RBMS3: variants seen among roughly 807,000 people sequenced by gnomAD.
RBMS3 encodes the protein RNA binding motif single stranded interacting protein 3.
In RBMS3, 27 loss-of-function variants were observed where a neutral mutation model predicts 66.8. That is an observed-to-expected ratio of 0.40 (90% CI 0.30 to 0.56). The LOEUF (loss-of-function observed/expected upper bound fraction) is 0.56, where lower values mean the gene tolerates loss of function less well. Among genes scored for constraint, RBMS3 ranks in the 20% least tolerant of loss-of-function variants. RBMS3 has a pLI of 0.40. For missense variants in RBMS3, 513 were observed against 549.5 expected (o/e 0.93, Z 0.66); for synonymous variants, 188 against 183.0 (o/e 1.03, Z -0.22).
intron 3 of RBMS3, among the ~76,000 whole-genome samples, chr3:29,567,473 A>G (rs2046784483): frequency 1.3e-5 from 2 of 152,284 alleles, no homozygotes; most frequent in African/African-American, 2.4e-5. Flanking sequence ...GGTAAACGCT[A>G]TACAGACCCT....
chr3:29,822,492 G>A (rs2149476693), intron 6 of RBMS3, among the ~76,000 whole-genome samples: 1 of 152,248 alleles, frequency 6.6e-6, no homozygotes, highest in South Asian at 2.1e-4. Context: ...GATAGTCACA[G>A]TAATGTTTCT....
At chr3:29,519,281 A>G (rs1056325249) in intron 3 of RBMS3, among the ~76,000 whole-genome samples, 1 of 152,154 alleles carries the variant, frequency 6.6e-6, no homozygotes, top group Non-Finnish European at 1.5e-5. Context: ...TATGAGGACT[A>G]AATAAGGCGA....
chr3:29,445,749 C>G (rs1439875139), intron 2 of RBMS3, among the ~76,000 whole-genome samples: 1 of 151,970 alleles, frequency 6.6e-6, no homozygotes, highest in Non-Finnish European at 1.5e-5. Context: ...TAAAAATTAT[C>G]CTTAAAAAGA....
At chr3:29,469,492 T>G (rs2042646540) in intron 2 of RBMS3, among the ~76,000 whole-genome samples, 1 of 151,954 alleles carries the variant, frequency 6.6e-6, no homozygotes, top group African/African-American at 2.4e-5. Flanking sequence ...AAATAAGTTG[T>G]GAATTATTTG....
intron 6 of RBMS3, among the ~76,000 whole-genome samples, chr3:29,838,442 A>G (rs540047981): frequency 1.3e-5 from 2 of 152,306 alleles, no homozygotes; most frequent in African/African-American, 4.8e-5. Flanking sequence ...GTCTTAAGTG[A>G]CAATATGTTC....
chr3:29,684,364 T>A (rs2051622751), intron 4 of RBMS3, among the ~76,000 whole-genome samples: 1 of 152,170 alleles, frequency 6.6e-6, no homozygotes, highest in African/African-American at 2.4e-5. Flanking sequence ...TGTTTTAAAA[T>A]AAGTGGGATT....
intron 1 of RBMS3, among the ~76,000 whole-genome samples, chr3:29,345,560 G>A (rs973144686): frequency 4.6e-5 from 7 of 152,080 alleles, no homozygotes; most frequent in Non-Finnish European, 1.0e-4. Context: ...CTCTCTCCAT[G>A]AGAAGCCCTG....
At chr3:29,880,134 T>C (rs986258117) in intron 7 of RBMS3, among the ~76,000 whole-genome samples, 1 of 152,168 alleles carries the variant, frequency 6.6e-6, no homozygotes, top group African/African-American at 2.4e-5. Context: ...AATATTTAGC[T>C]CCTATAGTAA....
At chr3:29,741,394 C>T (rs1328913102) in intron 5 of RBMS3, among the ~76,000 whole-genome samples, 1 of 152,184 alleles carries the variant, frequency 6.6e-6, no homozygotes, top group African/African-American at 2.4e-5. Flanking sequence ...TTAGCCAATG[C>T]AGTCATTCTT....
intron 4 of RBMS3, among the ~76,000 whole-genome samples, chr3:29,720,105 C>T (rs2053578709): frequency 7.8e-5 from 5 of 64,516 alleles, no homozygotes; most frequent in Admixed American, 1.4e-4. Flanking sequence ...TGCCATTACC[C>T]GCTAGCTCCC....
At chr3:29,976,428 C>T (rs1182357746) in intron 12 of RBMS3, among the ~76,000 whole-genome samples, 1 of 152,072 alleles carries the variant, frequency 6.6e-6, no homozygotes, top group Non-Finnish European at 1.5e-5. Flanking sequence ...AAGCAAATAG[C>T]CTCCTTTATA....
At chr3:29,379,442 C>G (rs1444053963) in intron 1 of RBMS3, among the ~76,000 whole-genome samples, 1 of 152,196 alleles carries the variant, frequency 6.6e-6, no homozygotes, top group Middle Eastern at 3.2e-3. Context: ...ATACCTAAGA[C>G]TGGACAATTT....
At chr3:29,744,619 T>TA (rs1203677787) in intron 5 of RBMS3, among the ~76,000 whole-genome samples, 1 of 152,026 alleles carries the variant, frequency 6.6e-6, no homozygotes, top group African/African-American at 2.4e-5. Context: ...TCATCGCTAC[T>TA]AAAAATACAA....
intron 1 of RBMS3, among the ~76,000 whole-genome samples, chr3:29,363,899 T>C (rs573013965): frequency 6.6e-6 from 1 of 152,000 alleles, no homozygotes; most frequent in East Asian, 1.9e-4. Context: ...AGGATAGAAA[T>C]TTAAAACATA....
In RBMS3 at chr3:29,329,673, G is replaced by A. The variant is rs186896905; in HGVS notation, c.75+47917G>A. On this transcript the variant is annotated intron_variant, in intron 1 of 14. Transcript: ENST00000383767. ...TTCAAAGAAAATGAAGTATTTTGAT[G>A]TGCCATGCATTGAGTCAAGCTTAAT... 3.9e-3 allele frequency among the ~76,000 whole-genome samples: 587 copies of A among 151,882 alleles called. 2 individuals carry two copies. Among genetic ancestry groups the A allele is most frequent in the Non-Finnish European group, 5.5e-3 (376 of 67,896 alleles).
At chr3:29,314,015 C>A (rs972120619) in intron 1 of RBMS3, among the ~76,000 whole-genome samples, 1 of 151,622 alleles carries the variant, frequency 6.6e-6, no homozygotes, top group East Asian at 1.9e-4. Flanking sequence ...TGGGCATTGG[C>A]AAATTTTCTT....
intron 4 of RBMS3, among the ~76,000 whole-genome samples, chr3:29,660,731 C>T (rs1327026892): frequency 6.6e-6 from 1 of 152,154 alleles, no homozygotes; most frequent in Non-Finnish European, 1.5e-5. Flanking sequence ...GCACTTGCAC[C>T]TTTCTCAGGG....
intron 12 of RBMS3, among the ~76,000 whole-genome samples, chr3:29,948,011 A>C (rs1388535314): frequency 6.6e-6 from 1 of 151,548 alleles, no homozygotes; most frequent in Non-Finnish European, 1.5e-5. Flanking sequence ...CCTGAAAAAT[A>C]CACTGAAAAG....
chr3:29,945,963 G>T (rs1048810037), intron 12 of RBMS3, among the ~76,000 whole-genome samples: 2 of 151,704 alleles, frequency 1.3e-5, no homozygotes, highest in Admixed American at 1.3e-4. Context: ...AAAAAGATTA[G>T]ATATGACATA....
Sources: allele counts gnomAD v4.1 joint callset (sites outside exome capture counted in the v4.1 genomes callset), GRCh38; gene constraint gnomAD v4.1.1; transcripts MANE v1.5; gene names NCBI Gene and HGNC (gene_info 2026-07-23, HGNC 2026-07-21).